Variants in DGKB observed in about 807,000 individuals in gnomAD.
DGKB encodes diacylglycerol kinase beta.
In DGKB, 67 loss-of-function variants were observed where a neutral mutation model predicts 114.3. The ratio of observed to expected loss-of-function variants is 0.59; its 90% CI spans 0.48 to 0.72. The LOEUF (loss-of-function observed/expected upper bound fraction) is 0.72, where lower values mean the gene tolerates loss of function less well. DGKB is among the 30% of genes least tolerant of loss of function. DGKB has a pLI of 0.00. For missense variants in DGKB, 907 were observed against 975.2 expected (o/e 0.93, Z 0.93); for synonymous variants, 398 against 323.1 (o/e 1.23, Z -2.49).
intron 21 of DGKB, among the ~76,000 whole-genome samples, chr7:14,405,726 T>C (rs1048733821): frequency 6.6e-6 from 1 of 151,940 alleles, no homozygotes; most frequent in African/African-American, 2.4e-5. Flanking sequence ...AAGGACTTTG[T>C]ATGTGAGAGA....
chr7:14,883,388 A>G (rs970119851), intron 1 of DGKB, among the ~76,000 whole-genome samples: 22 of 152,020 alleles, frequency 1.4e-4, no homozygotes, highest in African/African-American at 5.3e-4. Context: ...GTTTGATTAA[A>G]TGACTATCAC....
At chr7:14,611,773 T>C (rs1206749650) in intron 16 of DGKB, among the ~76,000 whole-genome samples, 1 of 151,836 alleles carries the variant, frequency 6.6e-6, no homozygotes. Flanking sequence ...AGGCAAATAT[T>C]CAACTAAGGG....
intron 23 of DGKB, among the ~76,000 whole-genome samples, chr7:14,266,080 G>A (rs74430032): frequency 7.3e-4 from 111 of 152,146 alleles, no homozygotes; most frequent in African/African-American, 2.5e-3. Context: ...TTTCTGTGGC[G>A]GCCTGTTCCC....
At chr7:14,918,932 A>G (rs1055967504) in intron 1 of DGKB, among the ~76,000 whole-genome samples, 1 of 151,756 alleles carries the variant, frequency 6.6e-6, no homozygotes, top group South Asian at 2.1e-4. Flanking sequence ...GCGTGGTGGC[A>G]GGTGCCTGTA....
At chr7:14,433,332 A>G (rs1393534473) in intron 21 of DGKB, among the ~76,000 whole-genome samples, 1 of 152,140 alleles carries the variant, frequency 6.6e-6, no homozygotes, top group Non-Finnish European at 1.5e-5. Context: ...GATCTCAACA[A>G]AATTCTTGCA....
chr7:14,178,895 T>C (rs149212680), intron 23 of DGKB, among the ~76,000 whole-genome samples: 490 of 152,274 alleles, frequency 3.2e-3, no homozygotes, highest in Non-Finnish European at 4.4e-3. Flanking sequence ...GACTAATTAC[T>C]TTATATTATC....
intron 5 of DGKB, among the ~76,000 whole-genome samples, chr7:14,729,716 C>A (rs1830640338): frequency 1.3e-5 from 2 of 152,088 alleles, no homozygotes; most frequent in Non-Finnish European, 2.9e-5. Flanking sequence ...CCTGTAGGCA[C>A]CTCACTCTTT....
chr7:14,696,449 T>C (rs1823917242), intron 8 of DGKB, among the ~76,000 whole-genome samples: 4 of 133,808 alleles, frequency 3.0e-5, no homozygotes, highest in Non-Finnish European at 6.1e-5. Flanking sequence ...GAGCCGAGAT[T>C]GCGCCACTGC....
chr7:14,788,767 ATG>A (rs2128502188), intron 2 of DGKB, among the ~76,000 whole-genome samples: 1 of 152,202 alleles, frequency 6.6e-6, no homozygotes, highest in Admixed American at 6.5e-5. Context: ...TGCCTGTCCC[ATG>A]GTACAGTGGG....
Position 14,411,882 on chromosome 7 carries a change from A to G in DGKB, c.1835+66279T>C, listed in dbSNP as rs561884693. On this transcript the variant is annotated intron_variant, in intron 21 of 25. Coordinates refer to ENST00000402815, the MANE Select transcript of DGKB (RefSeq NM_001350709.2). Reference sequence around the variant, plus strand: ...GGGCATTGGTTTAATACATTATGTCATATTAATATAGTAGAATAATATGTG... The same window carrying G: ...GGGCATTGGTTTAATACATTATGTCGTATTAATATAGTAGAATAATATGTG... 2.0e-4 allele frequency among the ~76,000 whole-genome samples: 31 copies of G among 152,358 alleles called. 1 individual carries two copies. The East Asian group carries it at 5.8e-3, about 28-fold the overall frequency.
At chr7:14,339,262 C>T (rs1056723018) in intron 22 of DGKB, among the ~76,000 whole-genome samples, 1 of 151,328 alleles carries the variant, frequency 6.6e-6, no homozygotes, top group African/African-American at 2.4e-5. Flanking sequence ...TTCAATCACA[C>T]TGAATTTACC....
At chr7:14,403,115 T>G (rs1474975465) in intron 21 of DGKB, among the ~76,000 whole-genome samples, 2 of 151,962 alleles carry the variant, frequency 1.3e-5, no homozygotes, top group Non-Finnish European at 2.9e-5. Flanking sequence ...TTCTATTGGT[T>G]CTGCTTCTCT....
chr7:14,606,096 C>G (rs1267395919), intron 17 of DGKB, among the ~76,000 whole-genome samples: 1 of 152,056 alleles, frequency 6.6e-6, no homozygotes, highest in African/African-American at 2.4e-5. Context: ...GCACAATATC[C>G]TAATTCAAAG....
chr7:14,773,400 T>C (rs1837699528), intron 2 of DGKB, among the ~76,000 whole-genome samples: 1 of 152,140 alleles, frequency 6.6e-6, no homozygotes, highest in Non-Finnish European at 1.5e-5. Context: ...TTTACAATAA[T>C]GTGTTCGATT....
At chr7:14,679,110 C>T (rs1308892528) in intron 12 of DGKB, among the ~76,000 whole-genome samples, 2 of 151,912 alleles carry the variant, frequency 1.3e-5, no homozygotes, top group Non-Finnish European at 2.9e-5. Context: ...GCTGTTCTGA[C>T]TCAGACTGGA....
chr7:14,301,826 A>C (rs184499655), intron 23 of DGKB, among the ~76,000 whole-genome samples: 1 of 152,230 alleles, frequency 6.6e-6, no homozygotes, highest in African/African-American at 2.4e-5. Context: ...CACTCATTTC[A>C]GGAGGGTTGG....
At chr7:14,391,215 G>A (rs1337972981) in intron 21 of DGKB, among the ~76,000 whole-genome samples, 3 of 152,128 alleles carry the variant, frequency 2.0e-5, no homozygotes, top group African/African-American at 7.2e-5. Flanking sequence ...TGGAAATGTA[G>A]AATTTTATCT....
intron 23 of DGKB, among the ~76,000 whole-genome samples, chr7:14,216,552 C>A (rs1309671658): frequency 6.6e-6 from 1 of 151,590 alleles, no homozygotes; most frequent in Non-Finnish European, 1.5e-5. Context: ...ATGGTGAAAC[C>A]CCATCTCCAA....
At chr7:14,718,420 G>A (rs1828570326) in intron 6 of DGKB, 122 bp downstream of exon 6, 1 of 756,146 alleles carries the variant, frequency 1.3e-6, no homozygotes, top group South Asian at 3.3e-5. Flanking sequence ...TTACTATTAA[G>A]CAGGATCACT....
Sources: allele counts gnomAD v4.1 joint callset (sites outside exome capture counted in the v4.1 genomes callset), GRCh38; gene constraint gnomAD v4.1.1; transcripts MANE v1.5; gene names NCBI Gene and HGNC (gene_info 2026-07-23, HGNC 2026-07-21).